The following UTS2 variants were observed in gnomAD, a reference collection of about 807,000 sequenced individuals.
UTS2 encodes urotensin 2.
A neutral mutation model predicts 12.6 loss-of-function variants in UTS2; 10 were observed. That is an observed-to-expected ratio of 0.80 (90% CI 0.49 to 1.35). UTS2 has a LOEUF of 1.35. UTS2 is among the 40% of genes most tolerant of loss of function. The probability of loss-of-function intolerance (pLI) is 0.00; values close to 1 mark genes in which losing one functional copy is unlikely to be tolerated. For synonymous variants in UTS2, 52 were observed against 50.0 expected, an observed-to-expected ratio of 1.04 and a Z score of -0.17; for missense variants, 142 against 143.2, an observed-to-expected ratio of 0.99 and a Z score of 0.04.
chr1:7,859,129 G>C, the UTS2 span, among the ~76,000 whole-genome samples: 1 of 152,274 alleles, frequency 6.6e-6, no homozygotes, highest in African/African-American at 2.4e-5. Context: ...AACCAGGGCA[G>C]CTCATATTCA....
the UTS2 span, among the ~76,000 whole-genome samples, chr1:7,876,793 A>G: frequency 4.6e-5 from 7 of 151,908 alleles, no homozygotes; most frequent in African/African-American, 7.3e-5. Flanking sequence ...TCACTCCACA[A>G]TATTAGAAGA....
At chr1:7,886,754 AG>A in the UTS2 span, among the ~76,000 whole-genome samples, 17 of 152,160 alleles carry the variant, frequency 1.1e-4, no homozygotes, top group African/African-American at 3.9e-4. Context: ...AAATAATCAG[AG>A]GGGGAAAAAA....
At chr1:7,909,122 T>C in the UTS2 span, among the ~76,000 whole-genome samples, 1 of 152,134 alleles carries the variant, frequency 6.6e-6, no homozygotes, top group Admixed American at 6.6e-5. Flanking sequence ...CGGAAAGACC[T>C]GCCTCCATAA....
chr1:7,902,505 T>C, the UTS2 span, among the ~76,000 whole-genome samples: 1 of 152,226 alleles, frequency 6.6e-6, no homozygotes, highest in African/African-American at 2.4e-5. Context: ...TTTCTTTCTT[T>C]TGGCGACTTG....
the UTS2 span, among the ~76,000 whole-genome samples, chr1:7,868,877 G>C: frequency 6.6e-6 from 1 of 152,148 alleles, no homozygotes; most frequent in Non-Finnish European, 1.5e-5. Flanking sequence ...GATGGGATTA[G>C]TGCCCTTATA....
chr1:7,904,640 C>G, the UTS2 span, among the ~76,000 whole-genome samples: 3 of 152,078 alleles, frequency 2.0e-5, no homozygotes, highest in African/African-American at 7.2e-5. Flanking sequence ...AGCAGTGGCT[C>G]ACGCCTATAA....
At chr1:7,890,788 C>T in the UTS2 span, among the ~76,000 whole-genome samples, 6,079 of 142,056 alleles carry the variant, frequency 0.043, 192 homozygotes, top group Middle Eastern at 0.097. Context: ...CCCAGCTACT[C>T]GAGAGGCTGA....
At chr1:7,847,924 A>T (rs4908485) in intron 3 of UTS2, 42 bp from the exon 4 acceptor site, 2 of 1,384,366 alleles carry the variant, frequency 1.4e-6, no homozygotes, top group African/African-American at 2.9e-5. Flanking sequence ...AAAAAAACAG[A>T]TAAGTTACCA....
At chr1:7,872,879 G>T in the UTS2 span, among the ~76,000 whole-genome samples, 9 of 152,326 alleles carry the variant, frequency 5.9e-5, no homozygotes, top group South Asian at 1.9e-3. Flanking sequence ...TTCCTAGCTA[G>T]AGAGGAGACG....
intron 1 of UTS2, 132 bp from the exon 2 acceptor site, chr1:7,851,054 G>A (rs1296470777): frequency 5.2e-6 from 4 of 771,038 alleles, no homozygotes; most frequent in African/African-American, 5.2e-5. Context: ...AGTTCATGAC[G>A]TGTCATCAGT....
At chr1:7,862,346 G>A in the UTS2 span, among the ~76,000 whole-genome samples, 16 of 151,992 alleles carry the variant, frequency 1.1e-4, no homozygotes, top group Admixed American at 1.0e-3. Context: ...GCCTGTCTAG[G>A]TCCATTTACT....
At chr1:7,877,250 A>T in the UTS2 span, among the ~76,000 whole-genome samples, 14 of 152,148 alleles carry the variant, frequency 9.2e-5, no homozygotes, top group Non-Finnish European at 8.8e-5. Context: ...GCTCCAACAG[A>T]CTCCAATGAA....
chr1:7,861,893 A>G, the UTS2 span, among the ~76,000 whole-genome samples: 3 of 150,654 alleles, frequency 2.0e-5, no homozygotes, highest in Non-Finnish European at 4.4e-5. Context: ...TGGCCAGAAT[A>G]CTGGTTTCTA....
At chr1:7,861,932 G>A in the UTS2 span, among the ~76,000 whole-genome samples, 3 of 144,464 alleles carry the variant, frequency 2.1e-5, no homozygotes, top group Non-Finnish European at 4.5e-5. Context: ...TTTTTTTTCT[G>A]AGATGGAGTC....
At chr1:7,908,460 CAAA>C in the UTS2 span, among the ~76,000 whole-genome samples, 2 of 49,598 alleles carry the variant, frequency 4.0e-5, no homozygotes, top group Admixed American at 2.2e-4. Context: ...GACTCTGTCT[CAAA>C]AAAAAAAAAA....
At position 7,847,829 on chromosome 1, in the gene UTS2, G is replaced by A. The variant is rs901720136; in HGVS notation, c.312C>T (p.Ala104=). 1 of 1,613,844 alleles carries A rather than the reference G, an allele frequency of 6.2e-7. No individual in the cohort carries two copies. Among genetic ancestry groups the A allele is most frequent in the Non-Finnish European group, 8.5e-7 (1 of 1,179,940 alleles). ...GTTTCTTGTATGGTTTCCAGATTCT[G>A]GCCAAAAGATGACTCAGTAAAATGT... The part of the protein sequence containing the change: ...DPNILLSHLL[A]RIWKPYKKRE... The change falls in exon 4 of 4, where the codon GCC becomes GCT. Residue 104 remains alanine, a synonymous_variant. Transcript: ENST00000361696.
At chr1:7,904,308 A>AT in the UTS2 span, among the ~76,000 whole-genome samples, 1,524 of 138,996 alleles carry the variant, frequency 0.011, 18 homozygotes, top group African/African-American at 0.041. Context: ...TCTACAAAAA[A>AT]TAAAAAAAAA....
At chr1:7,894,963 CCTTTA>C in the UTS2 span, among the ~76,000 whole-genome samples, 1 of 152,126 alleles carries the variant, frequency 6.6e-6, no homozygotes, top group African/African-American at 2.4e-5. Context: ...TGTTTATAAT[CCTTTA>C]CTTATTTTTT....
chr1:7,850,195 C>T (rs1477890120), intron 2 of UTS2, among the ~76,000 whole-genome samples: 1 of 152,010 alleles, frequency 6.6e-6, no homozygotes. Context: ...GTCCTAAACT[C>T]CTGACTTCAA....
Sources: gnomAD v4.1 joint callset for allele counts (sites outside exome capture counted in the v4.1 genomes callset) on GRCh38, gnomAD v4.1.1 for gene constraint, MANE v1.5 for transcripts, NCBI Gene and HGNC (gene_info 2026-07-23, HGNC 2026-07-21) for gene names.